CACNA1S: variants seen among roughly 807,000 people sequenced by gnomAD.
CACNA1S encodes voltage-dependent L-type calcium channel subunit alpha-1S.
In CACNA1S, 126 loss-of-function variants were observed where a neutral mutation model predicts 207.4. The observed-to-expected ratio is 0.61, with a 90% CI of 0.53 to 0.70. The LOEUF (loss-of-function observed/expected upper bound fraction) is 0.70. CACNA1S is among the 30% of genes least tolerant of loss of function. The probability of loss-of-function intolerance (pLI) is 0.00; values close to 1 mark genes in which losing one functional copy is unlikely to be tolerated. For missense variants in CACNA1S, 2,349 were observed against 2,422.8 expected (o/e 0.97, Z 0.64); for synonymous variants, 960 against 932.7 (o/e 1.03, Z -0.53).
intron 10 of CACNA1S, among the ~76,000 whole-genome samples, chr1:201,079,401 A>G (rs1023841665): frequency 6.6e-6 from 1 of 151,998 alleles, no homozygotes; most frequent in Non-Finnish European, 1.5e-5. Context: ...GGCACTGTTG[A>G]CCATTCTCTT....
At chr1:201,062,149 A>T (rs1417227376) in intron 23 of CACNA1S, 59 bp from the exon 24 acceptor site, 1 of 1,588,126 alleles carries the variant, frequency 6.3e-7, no homozygotes. Context: ...TGCCCCACCC[A>T]CATCCTCTGG....
chr1:201,068,167 G>C (rs760700086), intron 19 of CACNA1S, among the ~76,000 whole-genome samples: 1 of 150,848 alleles, frequency 6.6e-6, no homozygotes, highest in Non-Finnish European at 1.5e-5. Context: ...GGAGGAAAAG[G>C]CCTTTCCAGT....
chr1:201,048,866 G>T (rs1660558628), intron 35 of CACNA1S, 137 bp downstream of exon 35: 1 of 843,308 alleles, frequency 1.2e-6, no homozygotes, highest in South Asian at 1.4e-5. Context: ...GAGACTTCAG[G>T]CCCTTTGGGA....
chr1:201,089,045 TG>T (rs948791063), intron 6 of CACNA1S, among the ~76,000 whole-genome samples: 6 of 152,242 alleles, frequency 3.9e-5, no homozygotes, highest in African/African-American at 1.4e-4. Flanking sequence ...TATTGTATCA[TG>T]GGGATTTCCC....
chr1:201,052,777 C>T, intron 31 of CACNA1S, 129 bp from the exon 32 acceptor site: 1 of 761,678 alleles, frequency 1.3e-6, no homozygotes, highest in Non-Finnish European at 2.3e-6. Flanking sequence ...TCATTGCGGG[C>T]CACATCAGAC....
chr1:201,084,139 C>A (rs1007942702), intron 9 of CACNA1S, among the ~76,000 whole-genome samples: 2 of 152,070 alleles, frequency 1.3e-5, no homozygotes, highest in African/African-American at 2.4e-5. Flanking sequence ...CTAGATAATC[C>A]TTTATTGGAT....
intron 15 of CACNA1S, among the ~76,000 whole-genome samples, chr1:201,073,263 A>G (rs952441719): frequency 2.6e-5 from 4 of 152,210 alleles, no homozygotes; most frequent in African/African-American, 4.8e-5. Flanking sequence ...TCAGTGGAAC[A>G]GCGGGTGTCA....
chr1:201,096,409 G>A (rs1662436352), intron 2 of CACNA1S, among the ~76,000 whole-genome samples: 1 of 152,214 alleles, frequency 6.6e-6, no homozygotes, highest in African/African-American at 2.4e-5. Flanking sequence ...GACAGCCTCT[G>A]CAGCCTGGGC....
intron 28 of CACNA1S, among the ~76,000 whole-genome samples, chr1:201,057,828 G>A (rs1218870993): frequency 6.6e-6 from 1 of 152,088 alleles, no homozygotes; most frequent in Non-Finnish European, 1.5e-5. Flanking sequence ...TAAAAAAGAA[G>A]TAGGACTCTA....
intron 10 of CACNA1S, among the ~76,000 whole-genome samples, chr1:201,082,885 C>T (rs992052342): frequency 6.6e-6 from 1 of 152,200 alleles, no homozygotes; most frequent in African/African-American, 2.4e-5. Flanking sequence ...GGGCAAGCAC[C>T]TGTCCCAGCC....
intron 36 of CACNA1S, among the ~76,000 whole-genome samples, chr1:201,048,079 C>G (rs1161118728): frequency 8.5e-5 from 13 of 152,218 alleles, no homozygotes; most frequent in Admixed American, 8.5e-4. Flanking sequence ...GGGGATGGAC[C>G]TGATACAGCT....
chr1:201,080,764 T>G (rs1174883226), intron 10 of CACNA1S, among the ~76,000 whole-genome samples: 3 of 152,162 alleles, frequency 2.0e-5, no homozygotes, highest in Admixed American at 6.5e-5. Context: ...TTGTTTGTTT[T>G]TTTAATTGTG....
At chr1:201,067,709 G>A (rs1263974126) in intron 19 of CACNA1S, among the ~76,000 whole-genome samples, 3 of 152,146 alleles carry the variant, frequency 2.0e-5, no homozygotes, top group Non-Finnish European at 4.4e-5. Flanking sequence ...ACTTGCTACT[G>A]TCTGTCCTAG....
intron 3 of CACNA1S, among the ~76,000 whole-genome samples, chr1:201,092,529 T>A (rs959646276): frequency 7.9e-5 from 12 of 152,226 alleles, no homozygotes; most frequent in Non-Finnish European, 1.5e-5. Flanking sequence ...CTGGCTGCAC[T>A]TTTTGATAAT....
intron 33 of CACNA1S, 43 bp downstream of exon 33, chr1:201,050,941 T>C (rs759841876): frequency 1.2e-6 from 2 of 1,607,862 alleles, no homozygotes; most frequent in Non-Finnish European, 1.7e-6. Context: ...TGCCTCAGCT[T>C]ATCAAAGCCC....
intron 9 of CACNA1S, among the ~76,000 whole-genome samples, chr1:201,084,564 C>T (rs1053077168): frequency 2.0e-5 from 3 of 152,182 alleles, no homozygotes; most frequent in Non-Finnish European, 4.4e-5. Context: ...TCCTGAGGGG[C>T]TCCCGGTTTG....
chr1:201,106,702 C>T (rs1662906464), intron 2 of CACNA1S, among the ~76,000 whole-genome samples: 1 of 152,158 alleles, frequency 6.6e-6, no homozygotes, highest in Non-Finnish European at 1.5e-5. Context: ...CTTCCCCCTC[C>T]ACCCTCACCA....
intron 14 of CACNA1S, 59 bp from the exon 15 acceptor site, chr1:201,073,701 C>T: frequency 7.0e-6 from 9 of 1,287,938 alleles, no homozygotes; most frequent in Admixed American, 1.7e-5. Flanking sequence ...ATCTGCTGAA[C>T]CTGACAACAC....
chr1:201,043,606 G>C, intron 39 of CACNA1S, 75 bp from the exon 40 acceptor site: 1 of 1,325,654 alleles, frequency 7.5e-7, no homozygotes, highest in South Asian at 1.2e-5. Context: ...CTGGGACAGT[G>C]GTATTGGGAA....
Sources: allele counts gnomAD v4.1 joint callset (sites outside exome capture counted in the v4.1 genomes callset), GRCh38; gene constraint gnomAD v4.1.1; transcripts MANE v1.5; gene names NCBI Gene and HGNC (gene_info 2026-07-23, HGNC 2026-07-21).